The following GNB4 variants were observed in gnomAD, a reference collection of about 807,000 sequenced individuals.
The protein encoded by GNB4 is guanine nucleotide-binding protein subunit beta-4.
A neutral mutation model predicts 45.2 loss-of-function variants in GNB4; 28 were observed. The ratio of observed to expected loss-of-function variants is 0.62; its 90% CI spans 0.46 to 0.85. The LOEUF is 0.85. Ranked by LOEUF, GNB4 falls within the 40% of genes least tolerant of loss-of-function variation. The pLI, the probability that GNB4 is intolerant of heterozygous loss-of-function variation, is 0.00. For synonymous variants in GNB4, 132 were observed against 143.7 expected, an observed-to-expected ratio of 0.92 and a Z score of 0.58; for missense variants, 321 against 425.4, an observed-to-expected ratio of 0.75 and a Z score of 2.16.
chr3:179,456,549 G>A, the GNB4 span, among the ~76,000 whole-genome samples: 1 of 151,978 alleles, frequency 6.6e-6, no homozygotes, highest in East Asian at 1.9e-4. Context: ...ATTTGTTTTG[G>A]CTTTGCTTTG....
At chr3:179,524,895 A>G in the GNB4 span, among the ~76,000 whole-genome samples, 1 of 152,138 alleles carries the variant, frequency 6.6e-6, no homozygotes, top group African/African-American at 2.4e-5. Flanking sequence ...TGAAACTGTA[A>G]GCTGGACCAG....
chr3:179,401,479 C>A (rs190760323), intron 9 of GNB4, among the ~76,000 whole-genome samples, 160 bp from the exon 10 acceptor site: 1 of 152,252 alleles, frequency 6.6e-6, no homozygotes, highest in Admixed American at 6.5e-5. Flanking sequence ...CAACAAATTT[C>A]TCTGAGTAAG....
chr3:179,524,733 T>A, the GNB4 span, among the ~76,000 whole-genome samples: 1 of 152,050 alleles, frequency 6.6e-6, no homozygotes. Context: ...CTGGGCTGGG[T>A]TTTTATATTT....
chr3:179,428,774 G>A (rs1297182401), intron 1 of GNB4, among the ~76,000 whole-genome samples: 1 of 152,082 alleles, frequency 6.6e-6, no homozygotes, highest in East Asian at 1.9e-4. Flanking sequence ...CCCAGGCTGG[G>A]TCTCAGAACT....
At chr3:179,408,158 A>G (rs1415158376) in intron 8 of GNB4, among the ~76,000 whole-genome samples, 1 of 152,218 alleles carries the variant, frequency 6.6e-6, no homozygotes, top group African/African-American at 2.4e-5. Flanking sequence ...ATAAAAATTC[A>G]CCAGACATGC....
At chr3:179,449,696 G>A (rs1193805413) in intron 1 of GNB4, among the ~76,000 whole-genome samples, 1 of 152,186 alleles carries the variant, frequency 6.6e-6, no homozygotes, top group African/African-American at 2.4e-5. Context: ...CAGCCCAGAA[G>A]AGATATTTTA....
chr3:179,406,840 C>G (rs1418589487), intron 8 of GNB4, among the ~76,000 whole-genome samples: 1 of 152,098 alleles, frequency 6.6e-6, no homozygotes, highest in Non-Finnish European at 1.5e-5. Flanking sequence ...GTCTCAAACT[C>G]CTGGCCTCAA....
At chr3:179,479,486 A>G in the GNB4 span, among the ~76,000 whole-genome samples, 1 of 152,204 alleles carries the variant, frequency 6.6e-6, no homozygotes, top group East Asian at 1.9e-4. Flanking sequence ...AAAATCAAAT[A>G]ATATTACTGA....
At chr3:179,418,470 C>CAAAAAAA (rs386356535) in intron 4 of GNB4, among the ~76,000 whole-genome samples, 211 of 95,034 alleles carry the variant, frequency 2.2e-3, no homozygotes, top group South Asian at 2.9e-3. Flanking sequence ...AACTCTGTCT[C>CAAAAAAA]AAAAAAAAAA....
the GNB4 span, among the ~76,000 whole-genome samples, chr3:179,524,272 CT>C: frequency 6.6e-6 from 1 of 152,246 alleles, no homozygotes; most frequent in East Asian, 1.9e-4. Context: ...CTGGGAGTGG[CT>C]GCCGGGTGAG....
At chr3:179,422,798 A>G (rs2108599278) in intron 2 of GNB4, among the ~76,000 whole-genome samples, 1 of 152,190 alleles carries the variant, frequency 6.6e-6, no homozygotes, top group Admixed American at 6.5e-5. Flanking sequence ...GGAAGGAAGG[A>G]AAGATTTTTT....
At chr3:179,426,338 C>A in intron 1 of GNB4, 96 bp from the exon 2 acceptor site, 1 of 593,842 alleles carries the variant, frequency 1.7e-6, no homozygotes, top group East Asian at 3.1e-5. Context: ...TTTGGACCTA[C>A]TGAAATTCAA....
intron 5 of GNB4, among the ~76,000 whole-genome samples, chr3:179,415,363 T>A (rs964381500): frequency 6.6e-6 from 1 of 152,218 alleles, no homozygotes; most frequent in Non-Finnish European, 1.5e-5. Flanking sequence ...AAGTGTAAAA[T>A]GTTAGAGGTT....
chr3:179,489,046 A>ATTAT, the GNB4 span, among the ~76,000 whole-genome samples: 1 of 38,764 alleles, frequency 2.6e-5, no homozygotes, highest in African/African-American at 1.0e-4. Context: ...ATATATATAT[A>ATTAT]ATATATATGT....
the GNB4 span, among the ~76,000 whole-genome samples, chr3:179,488,865 T>C: frequency 6.7e-6 from 1 of 150,124 alleles, no homozygotes; most frequent in East Asian, 2.0e-4. Context: ...GTGTCTGTAG[T>C]CCCAGCTACT....
At chr3:179,436,565 T>G in intron 1 of GNB4, among the ~76,000 whole-genome samples, 2 of 151,436 alleles carry the variant, frequency 1.3e-5, no homozygotes, top group East Asian at 3.8e-4. Context: ...ACAACCATAA[T>G]GAATCAGGTA....
chr3:179,470,154 C>A, the GNB4 span, among the ~76,000 whole-genome samples: 1 of 152,264 alleles, frequency 6.6e-6, no homozygotes, highest in East Asian at 1.9e-4. Flanking sequence ...TAATAAGCAA[C>A]TTTGTGGCTG....
At chr3:179,440,276 C>T (rs186369113) in intron 1 of GNB4, among the ~76,000 whole-genome samples, 60 of 152,168 alleles carry the variant, frequency 3.9e-4, no homozygotes, top group African/African-American at 1.3e-3. Flanking sequence ...AAATAAATAC[C>T]CAGGTCAGGA....
Position 179,400,416 on chromosome 3 carries a change from A to T in GNB4, c.*797T>A, listed in dbSNP as rs1714257382. ...AACTTAGTTCCAAATATGAAATGAA[A>T]AGGAAAGTCCAGCTATTTAGGGGGG... On this transcript the variant is annotated 3_prime_UTR_variant, in exon 10 of 10. Coordinates refer to ENST00000232564, the MANE Select transcript of GNB4 (RefSeq NM_021629.4). 6.6e-6 allele frequency: 1 copy of T among 152,222 alleles called. No individual in the cohort carries two copies. Among genetic ancestry groups the T allele is most frequent in the South Asian group, 2.1e-4 (1 of 4,830 alleles). 9.4% of individuals were successfully genotyped at this position (152,222 alleles called of 1,614,324 possible). A position where few individuals can be genotyped will look rare whatever the true frequency, so the allele number is the denominator to read the frequency against.
Sources: gnomAD v4.1 joint callset for allele counts (sites outside exome capture counted in the v4.1 genomes callset) on GRCh38, gnomAD v4.1.1 for gene constraint, MANE v1.5 for transcripts, NCBI Gene and HGNC (gene_info 2026-07-23, HGNC 2026-07-21) for gene names.